Variants in EME1 observed in about 807,000 individuals in gnomAD.
EME1 encodes the protein essential meiotic structure-specific endonuclease 1.
EME1 carries 61 observed loss-of-function variants against 59.1 expected under a neutral mutation model. The ratio of observed to expected loss-of-function variants is 1.03; its 90% CI spans 0.84 to 1.28. EME1 has a LOEUF of 1.28. Among genes scored for constraint, EME1 ranks in the 50% most tolerant of loss-of-function variants. The pLI is 0.00. For synonymous variants in EME1, 230 were observed against 254.2 expected, an observed-to-expected ratio of 0.90 and a Z score of 0.90; for missense variants, 635 against 682.6, an observed-to-expected ratio of 0.93 and a Z score of 0.78.
intron 7 of EME1, 84 bp from the exon 8 acceptor site, chr17:50,380,228 G>C: frequency 7.3e-7 from 1 of 1,367,666 alleles, no homozygotes; most frequent in Non-Finnish European, 1.0e-6. Flanking sequence ...CAAGGTCAGT[G>C]GGGGGGTTTT....
chr17:50,376,823 C>T (rs1171004939), intron 3 of EME1, among the ~76,000 whole-genome samples: 1 of 152,204 alleles, frequency 6.6e-6, no homozygotes, highest in Admixed American at 6.5e-5. Context: ...TTTCTCCTTC[C>T]CACTAGTCCT....
At chr17:50,380,070 A>G in intron 7 of EME1, 1 of 451,258 alleles carries the variant, frequency 2.2e-6, no homozygotes, top group East Asian at 4.0e-5. Flanking sequence ...CCAGATATCC[A>G]AAGAATCTGG....
intron 4 of EME1, 29 bp from the exon 5 acceptor site, chr17:50,378,745 A>G: frequency 6.2e-7 from 1 of 1,614,224 alleles, no homozygotes; most frequent in South Asian, 1.1e-5. Flanking sequence ...GGAAGCAAGT[A>G]TTAATGCAGT....
intron 3 of EME1, among the ~76,000 whole-genome samples, chr17:50,377,818 T>C (rs182320539): frequency 2.6e-5 from 4 of 152,096 alleles, no homozygotes; most frequent in Non-Finnish European, 4.4e-5. Flanking sequence ...TGCAATGGCA[T>C]GGTCTCGGCT....
intron 3 of EME1, among the ~76,000 whole-genome samples, chr17:50,378,368 T>C (rs1453800777): frequency 3.9e-5 from 6 of 152,202 alleles, no homozygotes; most frequent in African/African-American, 1.2e-4. Context: ...CCGGCTGCTA[T>C]GTTCCTTTCT....
intron 7 of EME1, 134 bp downstream of exon 7, chr17:50,379,701 C>A: frequency 1.4e-6 from 1 of 733,234 alleles, no homozygotes; most frequent in Non-Finnish European, 2.2e-6. Context: ...GCAGAAGGAG[C>A]TGACCTCACA....
At chr17:50,376,999 C>T (rs745591995) in intron 3 of EME1, among the ~76,000 whole-genome samples, 5 of 152,192 alleles carry the variant, frequency 3.3e-5, no homozygotes, top group Non-Finnish European at 5.9e-5. Flanking sequence ...ATCCACCTGC[C>T]TCAGCCTCTC....
chr17:50,380,672 A>T (rs1337417871), intron 8 of EME1, 91 bp from the exon 9 acceptor site: 1 of 1,577,388 alleles, frequency 6.3e-7, no homozygotes. Flanking sequence ...ACAGGTTCTC[A>T]TGCCCCAAGC....
rs138144306 is a variant in EME1, at chr17:50,379,232, C to A, written c.1230+8C>A. The A allele has an allele frequency of 6.2e-7, 1 of 1,613,966 alleles. No homozygotes were observed. Among genetic ancestry groups the A allele is most frequent in the South Asian group, 1.1e-5 (1 of 91,066 alleles). ...AGGGTAGACGCTGAAGAGGTAAGAA[C>A]GTCCTGTTGCCTGAATCGGGCTGGG... On this transcript the variant is annotated splice_region_variant and intron_variant, in intron 6 of 8. Coordinates refer to ENST00000338165, the MANE Select transcript of EME1 (RefSeq NM_152463.4).
Position 50,379,102 on chromosome 17 carries a change from A to C in EME1, c.1113-5A>C. ...GCTGTTCTTTGATTTCCTCCCCTGCACCAGTGCTCAGAATCCTCCAAGAAG... is the reference window on the plus strand; with the variant it reads ...GCTGTTCTTTGATTTCCTCCCCTGCCCCAGTGCTCAGAATCCTCCAAGAAG... On this transcript the variant is annotated splice_region_variant and splice_polypyrimidine_tract_variant and intron_variant, in intron 5 of 8. Coordinates refer to ENST00000338165, the MANE Select transcript of EME1 (RefSeq NM_152463.4). 1 of 1,614,086 alleles carries C rather than the reference A, an allele frequency of 6.2e-7. No homozygotes were observed. Among genetic ancestry groups the C allele is most frequent in the Non-Finnish European group, 8.5e-7 (1 of 1,180,016 alleles).
chr17:50,374,323 G>A (rs1913332196), intron 1 of EME1, among the ~76,000 whole-genome samples: 1 of 152,066 alleles, frequency 6.6e-6, no homozygotes, highest in Non-Finnish European at 1.5e-5. Context: ...CTGCAGCCTT[G>A]ACCTCCCAGG....
intron 8 of EME1, 110 bp downstream of exon 8, chr17:50,380,611 A>C: frequency 3.9e-6 from 6 of 1,533,644 alleles, no homozygotes; most frequent in Non-Finnish European, 4.4e-6. Context: ...ACAGGTCAGC[A>C]GTGCAGGTCT....
chr17:50,378,294 G>A (rs779805780), intron 3 of EME1, among the ~76,000 whole-genome samples: 4 of 151,402 alleles, frequency 2.6e-5, no homozygotes, highest in Non-Finnish European at 5.9e-5. Flanking sequence ...CTTGATCTCC[G>A]ACCTCGTGAT....
In EME1 at chr17:50,380,383, T is replaced by G. The variant is rs752542881; in HGVS notation, c.1418T>G (p.Leu473Arg). The change falls in exon 8 of 9, where the codon CTT becomes CGT. Residue 473 changes from leucine to arginine, a missense_variant. Physicochemically the swap from Leu to Arg is moderately radical, Grantham distance 102 (BLOSUM62 -2). Transcript: ENST00000338165. ...SDWAGGVKVD[L>R]AGRGLALVWR... ...TGGGCTGGAGGGGTGAAGGTGGACC[T>G]TGCTGGCAGGGGACTCGCACTAGTC... 3 of 1,614,158 alleles carry G rather than the reference T, an allele frequency of 1.9e-6. No individual in the cohort carries two copies. The highest frequency in any genetic ancestry group is 2.5e-6 in the Non-Finnish European group (3 of 1,180,004).
rs1913438512 is a variant in EME1 at position 50,375,933 on chromosome 17, C to T, written c.725C>T (p.Ala242Val). The change falls in exon 2 of 9, where the codon GCC (alanine) becomes GTC (valine). Residue 242 changes from alanine to valine, a missense_variant. Transcript: ENST00000338165. ...KNAALVTRMK[A>V]QRPEECLKHI... ...GCAGCACTGGTTACCAGGATGAAAGCCCAGAGGCCAGAGGAATGCTTAAAA... is the reference window on the plus strand; with the variant it reads ...GCAGCACTGGTTACCAGGATGAAAGTCCAGAGGCCAGAGGAATGCTTAAAA... 1 of 1,611,454 alleles carries T rather than the reference C, an allele frequency of 6.2e-7. No homozygotes were observed. The highest frequency in any genetic ancestry group is 1.1e-5 in the South Asian group (1 of 90,804).
At position 50,378,574 on chromosome 17, in the gene EME1, G is replaced by A. The variant is rs76792913; in HGVS notation, c.904-21G>A. 175 of 1,612,848 alleles carry A rather than the reference G, an allele frequency of 1.1e-4. No individual in the cohort carries two copies. In the East Asian group the frequency reaches 3.8e-3, roughly 35 times the overall value. ...ACCTGCTGACCTCCCTCCCTGTGCT[G>A]TGTTCTGGGTACTTTGGCAGGACAG... On this transcript the variant is annotated intron_variant, in intron 3 of 8. Transcript: ENST00000338165.
chr17:50,376,284 C>T, intron 3 of EME1, 91 bp downstream of exon 3: 2 of 1,540,076 alleles, frequency 1.3e-6, no homozygotes, highest in Non-Finnish European at 1.8e-6. Context: ...CTTATCAGGG[C>T]CCCAGCAGGA....
intron 1 of EME1, among the ~76,000 whole-genome samples, chr17:50,374,278 C>T (rs1051024704): frequency 2.0e-5 from 3 of 152,082 alleles, no homozygotes; most frequent in African/African-American, 7.2e-5. Flanking sequence ...CACTCTGTCA[C>T]CCGGGCTGGA....
chr17:50,376,941 G>A (rs954411238), intron 3 of EME1, among the ~76,000 whole-genome samples: 2 of 152,058 alleles, frequency 1.3e-5, no homozygotes, highest in Non-Finnish European at 1.5e-5. Context: ...GTAGAGACGG[G>A]GTTTTGCCAT....
Sources: allele counts gnomAD v4.1 joint callset (sites outside exome capture counted in the v4.1 genomes callset), GRCh38; gene constraint gnomAD v4.1.1; transcripts MANE v1.5; gene names NCBI Gene and HGNC (gene_info 2026-07-23, HGNC 2026-07-21).